Variants in LRP1B observed in about 807,000 individuals in gnomAD.
The protein encoded by LRP1B is LDL receptor related protein 1B.
LRP1B carries 217 observed loss-of-function variants against 556.6 expected under a neutral mutation model. That is an observed-to-expected ratio of 0.39 (90% confidence interval 0.35 to 0.44). The LOEUF (loss-of-function observed/expected upper bound fraction) is 0.44, where lower values mean the gene tolerates loss of function less well. Among genes scored for constraint, LRP1B ranks in the 20% least tolerant of loss-of-function variants. LRP1B has a pLI of 1.00. For synonymous variants in LRP1B, 2,047 were observed against 1,865.8 expected (o/e 1.10, Z -2.50); for missense variants, 5,053 against 5,620.8 (o/e 0.90, Z 3.23).
intron 57 of LRP1B, among the ~76,000 whole-genome samples, chr2:140,491,641 A>T (rs1056362381): frequency 3.9e-5 from 6 of 152,098 alleles, no homozygotes; most frequent in African/African-American, 9.7e-5. Flanking sequence ...GCAGCAAAAA[A>T]CTTTCCCTCT....
At position 141,651,534 on chromosome 2, in the gene LRP1B, G is replaced by A. The variant is rs371829786; in HGVS notation, c.205+158745C>T. 4.6e-5 allele frequency among the ~76,000 whole-genome samples: 7 copies of A among 152,088 alleles called. No individual in the cohort carries two copies. The East Asian group carries it at 7.7e-4, about 17-fold the overall frequency. On this transcript the variant is annotated intron_variant, in intron 2 of 90. Coordinates refer to ENST00000389484, the MANE Select transcript of LRP1B (RefSeq NM_018557.3). ...CAAAAATTGGCCAGGTGTTGGTGGT[G>A]CATGCCTGTAATACCAACTACTCAG...
At chr2:141,244,976 A>G (rs1424560094) in intron 5 of LRP1B, among the ~76,000 whole-genome samples, 1 of 152,136 alleles carries the variant, frequency 6.6e-6, no homozygotes, top group Non-Finnish European at 1.5e-5. Flanking sequence ...GTAGTAGGAC[A>G]TTATCATGTT....
chr2:141,980,151 G>C (rs1702003494), intron 1 of LRP1B, among the ~76,000 whole-genome samples: 1 of 152,056 alleles, frequency 6.6e-6, no homozygotes, highest in Non-Finnish European at 1.5e-5. Context: ...GCTTACTCTT[G>C]AGTTATTAGC....
At chr2:141,005,498 T>C (rs879070520) in intron 14 of LRP1B, 41 bp from the exon 15 acceptor site, 2 of 1,602,348 alleles carry the variant, frequency 1.2e-6, no homozygotes, top group Non-Finnish European at 1.7e-6. Flanking sequence ...GAACTCTGAT[T>C]CACGTTCTTT....
intron 53 of LRP1B, among the ~76,000 whole-genome samples, chr2:140,503,818 A>G (rs1689294709): frequency 6.6e-6 from 1 of 152,100 alleles, no homozygotes; most frequent in Non-Finnish European, 1.5e-5. Context: ...TCTGATAAAT[A>G]TGGGTAAATG....
At chr2:141,922,269 C>T (rs906443925) in intron 1 of LRP1B, among the ~76,000 whole-genome samples, 18 of 152,134 alleles carry the variant, frequency 1.2e-4, no homozygotes, top group East Asian at 1.9e-4. Flanking sequence ...ACACAGAACT[C>T]GCCATGTAAG....
In LRP1B at chr2:140,700,507, G is replaced by A; in HGVS notation, c.6542C>T (p.Thr2181Ile). Residue 2181 changes from threonine (T) to isoleucine (I), a missense_variant, in exon 41 of 91, where the codon ACT (threonine) becomes ATT (isoleucine). Physicochemically the swap from Thr to Ile is moderately conservative, Grantham distance 89. This residue lies in a region of LRP1B where 3,619 missense variants were observed against 3,931.9 expected (regional missense o/e 0.92). Coordinates refer to ENST00000389484, the MANE Select transcript of LRP1B (RefSeq NM_018557.3). ...TAAATAGCCTTCATGCCTCAGGCAAGTAACTCCATCTTCTGCCAAATATCC... is the reference window on the plus strand; with the variant it reads ...TAAATAGCCTTCATGCCTCAGGCAAATAACTCCATCTTCTGCCAAATATCC... ...AHGYLAEDGV[T>I]CLRHEGYLLY... 1 of 1,613,526 alleles carries A rather than the reference G, an allele frequency of 6.2e-7. No homozygotes were observed. The highest frequency in any genetic ancestry group is 8.5e-7 in the Non-Finnish European group (1 of 1,179,694).
Position 141,019,903 on chromosome 2 carries a change from C to T in LRP1B, c.1970+19G>A, listed in dbSNP as rs778009017. The T allele has an allele frequency of 6.7e-7, 1 of 1,502,342 alleles. No homozygotes were observed. The highest frequency in any genetic ancestry group is 1.3e-5 in the South Asian group (1 of 75,742). The allele number at this position is 1,502,342 out of a possible 1,614,324, so 93.1% of individuals were successfully genotyped here. The stretch of plus-strand genomic sequence containing the variant: ...CTATTATCATTTTTCTTATATAAAG[C>T]TAGTCAAATATTGCATACCCATTAA... On this transcript the variant is annotated intron_variant, in intron 12 of 90. Transcript: ENST00000389484.
chr2:141,601,032 C>T (rs943888612), intron 2 of LRP1B, among the ~76,000 whole-genome samples: 1 of 152,166 alleles, frequency 6.6e-6, no homozygotes, highest in African/African-American at 2.4e-5. Flanking sequence ...AGTCTATCCT[C>T]CTTCCTTAAA....
intron 75 of LRP1B, 86 bp downstream of exon 75, chr2:140,356,256 T>TC: frequency 7.5e-7 from 1 of 1,326,934 alleles, no homozygotes; most frequent in Non-Finnish European, 1.1e-6. Context: ...TGAAAGTCAA[T>TC]CCCCTGTGAT....
chr2:141,471,571 GC>G (rs1445970707), intron 3 of LRP1B, among the ~76,000 whole-genome samples: 3 of 152,106 alleles, frequency 2.0e-5, no homozygotes, highest in African/African-American at 7.2e-5. Flanking sequence ...AGAGTGAGAT[GC>G]CTGTCAACCA....
intron 3 of LRP1B, among the ~76,000 whole-genome samples, chr2:141,416,580 A>G (rs1691114737): frequency 6.6e-6 from 1 of 150,926 alleles, no homozygotes; most frequent in Admixed American, 6.6e-5. Flanking sequence ...CTACCTCCTG[A>G]GTAGCTAGGA....
intron 1 of LRP1B, among the ~76,000 whole-genome samples, chr2:141,909,524 ACATTTTTTTTTTTTTTTTTTT>A (rs1481978610): frequency 9.6e-6 from 1 of 104,486 alleles, no homozygotes; most frequent in African/African-American, 3.5e-5. Context: ...AAGGTCTCAG[ACATTTTTTTTTTTTTTTTTTT>A]TTTTTTTTTT....
intron 7 of LRP1B, among the ~76,000 whole-genome samples, chr2:141,182,500 T>C (rs1344543093): frequency 6.6e-6 from 1 of 151,926 alleles, no homozygotes; most frequent in African/African-American, 2.4e-5. Context: ...TATACACTGA[T>C]AAACCAAAAT....
intron 5 of LRP1B, among the ~76,000 whole-genome samples, chr2:141,244,095 A>G (rs192563946): frequency 1.3e-5 from 2 of 152,298 alleles, no homozygotes; most frequent in East Asian, 3.9e-4. Flanking sequence ...ATACTGTTCT[A>G]TGTTGCACTA....
In LRP1B at chr2:141,997,392, C is replaced by CATAT. The variant is rs554147887; in HGVS notation, c.82+133252_82+133255dup. 6.1e-3 allele frequency among the ~76,000 whole-genome samples: 812 copies of CATAT among 134,182 alleles called. 6 individuals carry two copies. Among genetic ancestry groups the CATAT allele is most frequent in the South Asian group, 8.2e-3 (33 of 4,024 alleles). The allele number at this position is 134,182 out of a possible 152,430, so 88.0% of individuals were successfully genotyped here. ...AATATCCAAGATGTGTGTGTGTGTACATATATATATATAAATGTATATATG... is the reference window on the plus strand; with the variant it reads ...AATATCCAAGATGTGTGTGTGTGTACATATATATATATATATAAATGTATATATG... On this transcript the variant is annotated intron_variant, in intron 1 of 90. Coordinates refer to ENST00000389484, the MANE Select transcript of LRP1B (RefSeq NM_018557.3).
At chr2:140,957,103 A>T (rs895475268) in intron 18 of LRP1B, among the ~76,000 whole-genome samples, 1 of 151,738 alleles carries the variant, frequency 6.6e-6, no homozygotes, top group Non-Finnish European at 1.5e-5. Flanking sequence ...TTTAATAAAT[A>T]TCTGATAGAT....
At chr2:140,252,592 G>A (rs1681489271) in intron 86 of LRP1B, among the ~76,000 whole-genome samples, 1 of 152,020 alleles carries the variant, frequency 6.6e-6, no homozygotes, top group Non-Finnish European at 1.5e-5. Flanking sequence ...AGGAAGAAAT[G>A]CTTTTCCTTT....
chr2:141,445,074 G>A (rs1213591652), intron 3 of LRP1B, among the ~76,000 whole-genome samples: 2 of 152,172 alleles, frequency 1.3e-5, no homozygotes, highest in Non-Finnish European at 2.9e-5. Flanking sequence ...GTTTTGGTTG[G>A]TAGGCTATTA....
Sources: allele counts gnomAD v4.1 joint callset (sites outside exome capture counted in the v4.1 genomes callset), GRCh38; gene constraint gnomAD v4.1.1; regional missense constraint gnomAD v4.1.1; transcripts MANE v1.5; gene names NCBI Gene and HGNC (gene_info 2026-07-23, HGNC 2026-07-21).